HS2ST1: variants seen among roughly 807,000 people sequenced by gnomAD.
HS2ST1 encodes the protein 2-O-sulfotransferase.
A neutral mutation model predicts 42.9 loss-of-function variants in HS2ST1; 18 were observed. That is an observed-to-expected ratio of 0.42 (90% confidence interval 0.29 to 0.62). The LOEUF is 0.62. Among genes scored for constraint, HS2ST1 ranks in the 20% least tolerant of loss-of-function variants. The probability of loss-of-function intolerance (pLI) is 0.21; values close to 1 mark genes in which losing one functional copy is unlikely to be tolerated. For synonymous variants in HS2ST1, 146 were observed against 152.9 expected, an observed-to-expected ratio of 0.95 and a Z score of 0.33; for missense variants, 334 against 433.8, an observed-to-expected ratio of 0.77 and a Z score of 2.04.
intron 1 of HS2ST1, among the ~76,000 whole-genome samples, chr1:87,049,510 G>GT (rs1176803344): frequency 3.3e-5 from 5 of 151,456 alleles, no homozygotes; most frequent in East Asian, 1.9e-4. Flanking sequence ...TTTCCTTTTT[G>GT]TTTTTTTCTT....
At chr1:87,000,545 A>G (rs1018459851) in intron 1 of HS2ST1, among the ~76,000 whole-genome samples, 1 of 152,220 alleles carries the variant, frequency 6.6e-6, no homozygotes, top group Non-Finnish European at 1.5e-5. Flanking sequence ...ATCAGACTGC[A>G]TGTGAATAGT....
At chr1:87,071,633 G>A (rs1651407172) in intron 1 of HS2ST1, among the ~76,000 whole-genome samples, 1 of 151,680 alleles carries the variant, frequency 6.6e-6, no homozygotes, top group African/African-American at 2.4e-5. Context: ...GTAGGCTGAG[G>A]CAGAGAATTG....
At chr1:87,018,159 C>G (rs1432311927) in intron 1 of HS2ST1, among the ~76,000 whole-genome samples, 1 of 148,026 alleles carries the variant, frequency 6.8e-6, no homozygotes, top group South Asian at 2.2e-4. Flanking sequence ...CACACACACA[C>G]ACACAGACAC....
chr1:87,072,942 A>T lies in HS2ST1; in HGVS notation c.133A>T (p.Ile45Phe). 1 of 1,613,548 alleles carries T rather than the reference A, an allele frequency of 6.2e-7. No homozygotes were observed. Among genetic ancestry groups the T allele is most frequent in the Non-Finnish European group, 8.5e-7 (1 of 1,179,558 alleles). The part of the protein sequence containing the change: ...EESRSKLERA[I>F]ARHEVREIEQ... The stretch of plus-strand genomic sequence containing the variant: ...TCTGTTTTTCTTTCCAGAAAGGGCT[A>T]TTGCAAGACACGAAGTCCGAGAAAT... The change falls in exon 2 of 7, where the codon ATT (isoleucine) becomes TTT (phenylalanine). Residue 45 changes from isoleucine (I) to phenylalanine (F), a missense_variant. Physicochemically the swap from Ile to Phe is conservative, Grantham distance 21. Transcript: ENST00000370550.
chr1:86,953,379 A>G (rs1361386162), intron 1 of HS2ST1, among the ~76,000 whole-genome samples: 3 of 152,128 alleles, frequency 2.0e-5, no homozygotes, highest in Admixed American at 2.0e-4. Context: ...TCCTTCAAGA[A>G]CTCTTCCTTT....
chr1:86,981,051 A>G, intron 1 of HS2ST1, among the ~76,000 whole-genome samples: 1 of 152,180 alleles, frequency 6.6e-6, no homozygotes. Context: ...ATCATGGTGG[A>G]AGGCGAAGGG....
intron 1 of HS2ST1, among the ~76,000 whole-genome samples, chr1:86,931,138 A>G (rs1466985689): frequency 6.6e-6 from 1 of 152,104 alleles, no homozygotes; most frequent in African/African-American, 2.4e-5. Context: ...AGTTTTGACT[A>G]TGTACATGAC....
At chr1:86,928,520 C>T (rs1219548738) in intron 1 of HS2ST1, among the ~76,000 whole-genome samples, 2 of 151,874 alleles carry the variant, frequency 1.3e-5, no homozygotes, top group Non-Finnish European at 1.5e-5. Flanking sequence ...TTTATTTCAA[C>T]ACAGTCTTAT....
intron 1 of HS2ST1, among the ~76,000 whole-genome samples, chr1:86,927,465 TA>T (rs1407400594): frequency 3.3e-5 from 5 of 152,170 alleles, no homozygotes; most frequent in Non-Finnish European, 7.4e-5. Context: ...TATAGCAACT[TA>T]AAACTGGATT....
At chr1:87,048,827 T>C (rs1186144735) in intron 1 of HS2ST1, among the ~76,000 whole-genome samples, 1 of 152,170 alleles carries the variant, frequency 6.6e-6, no homozygotes, top group Non-Finnish European at 1.5e-5. Context: ...ATAAACTACA[T>C]AGGTATGATA....
At chr1:87,023,372 A>G (rs1253056230) in intron 1 of HS2ST1, among the ~76,000 whole-genome samples, 1 of 152,118 alleles carries the variant, frequency 6.6e-6, no homozygotes, top group African/African-American at 2.4e-5. Flanking sequence ...GAGTGGTAAA[A>G]TAAGTTCTGG....
At chr1:87,079,132 C>CT (rs11454448) in intron 2 of HS2ST1, among the ~76,000 whole-genome samples, 102,493 of 147,872 alleles carry the variant, frequency 0.69, 37,513 homozygotes, top group East Asian at 0.95. Flanking sequence ...GTAAATGATA[C>CT]TTTTTTTTTT....
At chr1:86,973,773 G>T (rs1489168997) in intron 1 of HS2ST1, among the ~76,000 whole-genome samples, 1 of 152,098 alleles carries the variant, frequency 6.6e-6, no homozygotes, top group African/African-American at 2.4e-5. Flanking sequence ...GAAAACCAAG[G>T]TGGTTCTCCT....
chr1:87,036,380 G>A (rs1650376717), intron 1 of HS2ST1, among the ~76,000 whole-genome samples: 2 of 152,152 alleles, frequency 1.3e-5, no homozygotes, highest in Admixed American at 1.3e-4. Flanking sequence ...TTGCCACACT[G>A]GGAGACCAAA....
At chr1:86,922,662 T>G (rs1660324908) in intron 1 of HS2ST1, among the ~76,000 whole-genome samples, 1 of 152,224 alleles carries the variant, frequency 6.6e-6, no homozygotes, top group African/African-American at 2.4e-5. Flanking sequence ...CTTCATTGTC[T>G]TCTGGCTTGC....
chr1:87,028,737 G>A (rs1254351030), intron 1 of HS2ST1, among the ~76,000 whole-genome samples: 1 of 152,198 alleles, frequency 6.6e-6, no homozygotes, highest in Non-Finnish European at 1.5e-5. Flanking sequence ...TTTCTAAAGA[G>A]CAGGTACTGG....
intron 1 of HS2ST1, among the ~76,000 whole-genome samples, chr1:86,962,265 T>C (rs1347206099): frequency 6.6e-6 from 1 of 152,088 alleles, no homozygotes; most frequent in Admixed American, 6.5e-5. Context: ...AAAACAGTAA[T>C]CTAACATTGC....
chr1:86,927,184 G>C (rs1660439339), intron 1 of HS2ST1, among the ~76,000 whole-genome samples: 1 of 152,186 alleles, frequency 6.6e-6, no homozygotes, highest in African/African-American at 2.4e-5. Flanking sequence ...AAGTAATGGG[G>C]AAGAGAATCA....
intron 1 of HS2ST1, among the ~76,000 whole-genome samples, chr1:87,032,814 G>A (rs146653341): frequency 0.014 from 2,146 of 152,174 alleles, 23 homozygotes; most frequent in Non-Finnish European, 0.023. Context: ...ATGTATATAT[G>A]GAACCCCAGT....
Sources: gnomAD v4.1 joint callset for allele counts (sites outside exome capture counted in the v4.1 genomes callset) on GRCh38, gnomAD v4.1.1 for gene constraint, MANE v1.5 for transcripts, NCBI Gene and HGNC (gene_info 2026-07-23, HGNC 2026-07-21) for gene names.